Variants in CD8B2 observed in about 807,000 individuals in gnomAD.
The protein encoded by CD8B2 is CD8B family member 2.
Under a neutral mutation model 23.7 loss-of-function variants are expected in CD8B2, and 11 were observed. That is an observed-to-expected ratio of 0.46 (90% CI 0.29 to 0.77). CD8B2 has a LOEUF of 0.77. Ranked by LOEUF, CD8B2 falls within the 30% of genes least tolerant of loss-of-function variation. CD8B2 has a pLI of 0.09. For missense variants in CD8B2, 197 were observed against 270.5 expected (o/e 0.73, Z 1.91); for synonymous variants, 90 against 109.3 (o/e 0.82, Z 1.10).
intron 5 of CD8B2, among the ~76,000 whole-genome samples, chr2:106,519,540 G>A (rs1187493667): frequency 2.0e-5 from 3 of 152,172 alleles, no homozygotes; most frequent in African/African-American, 4.8e-5. Flanking sequence ...CCTGACTAGT[G>A]TTCAGCCCTG....
At chr2:106,503,355 A>G (rs998193431) in intron 4 of CD8B2, among the ~76,000 whole-genome samples, 1 of 151,974 alleles carries the variant, frequency 6.6e-6, no homozygotes, top group Non-Finnish European at 1.5e-5. Flanking sequence ...TGAACATACG[A>G]TGAAAATAAC....
At chr2:106,498,099 G>T (rs1249861900) in intron 3 of CD8B2, among the ~76,000 whole-genome samples, 7 of 151,756 alleles carry the variant, frequency 4.6e-5, no homozygotes, top group Non-Finnish European at 1.0e-4. Context: ...TTTTATAAAT[G>T]ATGGCAAAAA....
chr2:106,523,123 T>C (rs950467554), intron 5 of CD8B2, among the ~76,000 whole-genome samples: 1 of 152,194 alleles, frequency 6.6e-6, no homozygotes, highest in East Asian at 1.9e-4. Flanking sequence ...TATGGCAGTC[T>C]GCTGATCCTA....
At chr2:106,520,255 T>C (rs1455386081) in intron 5 of CD8B2, among the ~76,000 whole-genome samples, 4 of 152,230 alleles carry the variant, frequency 2.6e-5, no homozygotes, top group Non-Finnish European at 2.9e-5. Context: ...TCTGTTTTCC[T>C]TAGCCATTTG....
chr2:106,530,791 G>T (rs1679981253), intron 5 of CD8B2, among the ~76,000 whole-genome samples: 1 of 152,194 alleles, frequency 6.6e-6, no homozygotes, highest in Admixed American at 6.5e-5. Context: ...TTGCAGTGAA[G>T]AAACAGCTAA....
chr2:106,516,264 G>A (rs990906247), intron 5 of CD8B2, among the ~76,000 whole-genome samples: 1 of 152,132 alleles, frequency 6.6e-6, no homozygotes, highest in Non-Finnish European at 1.5e-5. Flanking sequence ...TAGCTTTGCT[G>A]AGTTCACCAA....
rs1055969175 is a variant in CD8B2, at chr2:106,509,314, G to A, written c.*2374G>A. ...GCTGAGGGGAGGGGTGAAAGAATTG[G>A]GGTCAGCTGGACCAGACTCCTCTAG... On this transcript the variant is annotated 3_prime_UTR_variant, in exon 6 of 6. Transcript: ENST00000643224. The A allele has an allele frequency of 2.0e-5, 3 of 152,054 alleles. No homozygotes were observed. The highest frequency in any genetic ancestry group is 7.2e-5 in the African/African-American group (3 of 41,406). The allele number at this position is 152,054 out of a possible 1,614,324, so 9.4% of individuals were successfully genotyped here.
chr2:106,494,311 C>T lies in CD8B2; in HGVS notation c.404-1862C>T, dbSNP rs1215419253. Among the ~76,000 whole-genome samples the T allele has an allele frequency of 6.6e-5, 10 of 152,070 alleles. No homozygotes were observed. The South Asian group carries it at 1.0e-3, about 16-fold the overall frequency. On this transcript the variant is annotated intron_variant, in intron 2 of 5. Transcript: ENST00000643224. ...TACAGGCACGTGCCACCACGCCCAA[C>T]TAATTTTTGTATTTTTAGTAGAGAC...
At chr2:106,506,309 T>A (rs2104559719) in intron 5 of CD8B2, among the ~76,000 whole-genome samples, 1 of 152,096 alleles carries the variant, frequency 6.6e-6, no homozygotes, top group Middle Eastern at 3.4e-3. Context: ...GACCTCATGC[T>A]TTTGCAAGCC....
intron 5 of CD8B2, among the ~76,000 whole-genome samples, chr2:106,536,374 A>G (rs997949648): frequency 2.0e-5 from 3 of 152,162 alleles, no homozygotes; most frequent in Admixed American, 6.5e-5. Context: ...GAACTCTGCT[A>G]CAAGAACAGC....
chr2:106,540,660 G>A (rs1236626299), intron 5 of CD8B2, among the ~76,000 whole-genome samples: 1 of 152,100 alleles, frequency 6.6e-6, no homozygotes, highest in African/African-American at 2.4e-5. Flanking sequence ...TGCCTCCTGG[G>A]TTCCAGTGAT....
chr2:106,487,652 C>A lies in CD8B2; in HGVS notation c.43+183C>A, dbSNP rs180840456. 2.0e-4 allele frequency among the ~76,000 whole-genome samples: 31 copies of A among 152,294 alleles called. 1 individual carries two copies. The East Asian group carries it at 5.8e-3, about 29-fold the overall frequency. On this transcript the variant is annotated intron_variant, in intron 1 of 5. Coordinates refer to ENST00000643224, the MANE Select transcript of CD8B2 (RefSeq NM_001349727.2). ...GGGTGGAAATAAAATACCCCCATAT[C>A]GCATTACCCCGGGGGACCGGAGAGC...
In CD8B2 at chr2:106,508,467, C is replaced by T. The variant is rs1024395191; in HGVS notation, c.*1527C>T. 8 of 151,996 alleles carry T rather than the reference C, an allele frequency of 5.3e-5. No individual in the cohort carries two copies. Among genetic ancestry groups the T allele is most frequent in the African/African-American group, 1.4e-4 (6 of 41,394 alleles). 9.4% of individuals were successfully genotyped at this position (151,996 alleles called of 1,614,324 possible). On this transcript the variant is annotated 3_prime_UTR_variant, in exon 6 of 6. Transcript: ENST00000643224. Reference sequence around the variant, plus strand: ...TAGAAAGGCATAGATGCAGTGTTACCGGAAGGAGGGCCTTGAGTGTAAGTT... The same window carrying T: ...TAGAAAGGCATAGATGCAGTGTTACTGGAAGGAGGGCCTTGAGTGTAAGTT...
rs530231860 is a variant in CD8B2, at chr2:106,498,138, T to A, written c.493+1876T>A. On this transcript the variant is annotated intron_variant, in intron 3 of 5. Transcript: ENST00000643224. ...AGGTCTTCAGATTTCTTGCATAATT[T>A]CTTTTCTTTCTTTCTTTTTTTTTTT... 2.0e-5 allele frequency among the ~76,000 whole-genome samples: 3 copies of A among 149,972 alleles called. No homozygotes were observed. In the South Asian group the frequency reaches 6.2e-4, roughly 31 times the overall value.
At chr2:106,488,730 C>T (rs1466130847) in intron 1 of CD8B2, among the ~76,000 whole-genome samples, 1 of 152,166 alleles carries the variant, frequency 6.6e-6, no homozygotes, top group African/African-American at 2.4e-5. Context: ...TCTCTCTTTC[C>T]TCATGGATAA....
intron 5 of CD8B2, among the ~76,000 whole-genome samples, chr2:106,527,282 T>C (rs1377104411): frequency 1.3e-5 from 2 of 152,218 alleles, no homozygotes; most frequent in Non-Finnish European, 2.9e-5. Context: ...AGTTGTGAAG[T>C]GGTATCTCAC....
chr2:106,505,018 G>A (rs191156545), intron 5 of CD8B2, among the ~76,000 whole-genome samples: 215 of 152,280 alleles, frequency 1.4e-3, no homozygotes, highest in Non-Finnish European at 9.3e-4. Context: ...CTGAGAAAGC[G>A]CCTGTACTTA....
intron 1 of CD8B2, 37 bp from the exon 2 acceptor site, chr2:106,490,837 G>A: frequency 6.5e-7 from 1 of 1,547,226 alleles, no homozygotes; most frequent in Admixed American, 1.9e-5. Context: ...CTGTGGCTAG[G>A]AAAATGTGCG....
At chr2:106,530,447 C>T (rs111651318) in intron 5 of CD8B2, among the ~76,000 whole-genome samples, 1,754 of 152,256 alleles carry the variant, frequency 0.012, 24 homozygotes, top group African/African-American at 0.038. Context: ...GGCGCGATCT[C>T]GGCTCACTGC....
Sources: allele counts gnomAD v4.1 joint callset (sites outside exome capture counted in the v4.1 genomes callset), GRCh38; gene constraint gnomAD v4.1.1; transcripts MANE v1.5; gene names NCBI Gene and HGNC (gene_info 2026-07-23, HGNC 2026-07-21).